ATRN: variants seen among roughly 807,000 people sequenced by gnomAD.
The protein encoded by ATRN is attractin-2.
In ATRN, 54 loss-of-function variants were observed where a neutral mutation model predicts 178.7. The ratio of observed to expected loss-of-function variants is 0.30; its 90% CI spans 0.24 to 0.38. The LOEUF (loss-of-function observed/expected upper bound fraction) is 0.38, where lower values mean the gene tolerates loss of function less well. Among genes scored for constraint, ATRN ranks in the 10% least tolerant of loss-of-function variants. The probability of loss-of-function intolerance (pLI) is 1.00; values close to 1 mark genes in which losing one functional copy is unlikely to be tolerated. For synonymous variants in ATRN, 636 were observed against 663.0 expected (o/e 0.96, Z 0.63); for missense variants, 1,443 against 1,815.1 (o/e 0.79, Z 3.73).
rs116591112 is a variant in ATRN at position 3,585,730 on chromosome 20, C to T, written c.3184+850C>T. ...AGAATCCAATGTCCAGAACACGTAA[C>T]TCTTAAAACTCAACAATAGAAAGAC... On this transcript the variant is annotated intron_variant, in intron 18 of 28. Transcript: ENST00000262919. 6.9e-3 allele frequency among the ~76,000 whole-genome samples: 1,050 copies of T among 152,178 alleles called. 15 individuals are homozygous for T. The highest frequency in any genetic ancestry group is 0.024 in the African/African-American group (991 of 41,522).
chr20:3,491,472 C>A (rs950451847), intron 1 of ATRN, among the ~76,000 whole-genome samples: 1 of 152,192 alleles, frequency 6.6e-6, no homozygotes, highest in Non-Finnish European at 1.5e-5. Flanking sequence ...CCATGCTTGA[C>A]TGACTGCTCA....
intron 11 of ATRN, among the ~76,000 whole-genome samples, chr20:3,570,861 T>C (rs1293962556): frequency 6.6e-6 from 1 of 152,226 alleles, no homozygotes; most frequent in Non-Finnish European, 1.5e-5. Context: ...TATTCATTGC[T>C]CCTGGGTTGG....
chr20:3,490,272 A>T, intron 1 of ATRN: 1 of 1,285,648 alleles, frequency 7.8e-7, no homozygotes, highest in South Asian at 1.2e-5. Flanking sequence ...TCCCAGGAGG[A>T]GAAGGCGGAG....
At chr20:3,646,358 A>AT (rs1407250817) in intron 28 of ATRN, among the ~76,000 whole-genome samples, 4 of 152,160 alleles carry the variant, frequency 2.6e-5, no homozygotes, top group African/African-American at 9.7e-5. Flanking sequence ...AATCTCATTT[A>AT]TATGTTCCCA....
chr20:3,620,460 G>T (rs2086888531), intron 24 of ATRN, among the ~76,000 whole-genome samples: 1 of 152,144 alleles, frequency 6.6e-6, no homozygotes, highest in Admixed American at 6.5e-5. Flanking sequence ...TGGCCAGGCT[G>T]GTTTCGACCT....
At chr20:3,603,992 C>A in intron 23 of ATRN, 113 bp from the exon 24 acceptor site, 1 of 878,474 alleles carries the variant, frequency 1.1e-6, no homozygotes, top group Non-Finnish European at 1.7e-6. Context: ...ATTACTGGAA[C>A]ACAGGAAATG....
intron 1 of ATRN, chr20:3,490,640 A>G (rs1295856782): frequency 6.5e-6 from 6 of 917,270 alleles, no homozygotes; most frequent in Non-Finnish European, 9.2e-6. Context: ...AACTCCACCA[A>G]GTTTTGTGCC....
intron 19 of ATRN, among the ~76,000 whole-genome samples, chr20:3,592,637 C>T (rs2086465252): frequency 1.3e-5 from 2 of 152,092 alleles, no homozygotes; most frequent in South Asian, 4.1e-4. Context: ...TACCTACTCC[C>T]CAGATCCCAA....
chr20:3,591,812 C>T (rs1485305871), intron 19 of ATRN, among the ~76,000 whole-genome samples: 1 of 152,210 alleles, frequency 6.6e-6, no homozygotes, highest in East Asian at 1.9e-4. Context: ...CTCCCCCCAT[C>T]AGGAGGCCTT....
intron 16 of ATRN, among the ~76,000 whole-genome samples, chr20:3,583,418 A>C (rs2086307647): frequency 2.0e-5 from 3 of 152,340 alleles, no homozygotes; most frequent in Admixed American, 2.0e-4. Flanking sequence ...CAAGTGTGTA[A>C]ATACACTTGA....
intron 22 of ATRN, among the ~76,000 whole-genome samples, chr20:3,598,213 G>A (rs1193816612): frequency 6.6e-6 from 1 of 152,188 alleles, no homozygotes; most frequent in African/African-American, 2.4e-5. Context: ...CAGGATCTTA[G>A]ACACAGACTG....
chr20:3,576,475 C>A (rs1205118076), intron 13 of ATRN, among the ~76,000 whole-genome samples: 1 of 151,826 alleles, frequency 6.6e-6, no homozygotes, highest in African/African-American at 2.4e-5. Flanking sequence ...CAGTCTCATA[C>A]AGTTCATAAA....
chr20:3,559,324 C>T (rs2085919944), intron 6 of ATRN, 69 bp from the exon 7 acceptor site: 15 of 1,237,046 alleles, frequency 1.2e-5, no homozygotes, highest in South Asian at 9.8e-5. Flanking sequence ...TGGATTATGT[C>T]ACAAATAAAA....
chr20:3,495,569 C>T (rs2084866998), intron 1 of ATRN, among the ~76,000 whole-genome samples: 1 of 152,012 alleles, frequency 6.6e-6, no homozygotes, highest in East Asian at 1.9e-4. Flanking sequence ...GCGATTTGGT[C>T]ATCACAGTGA....
At chr20:3,563,478 G>A in intron 10 of ATRN, 115 bp downstream of exon 10, 1 of 1,022,062 alleles carries the variant, frequency 9.8e-7, no homozygotes, top group South Asian at 2.1e-5. Context: ...ATTTGAAAGA[G>A]GTCCAAATGG....
chr20:3,549,029 A>G, intron 5 of ATRN, 141 bp from the exon 6 acceptor site: 1 of 718,886 alleles, frequency 1.4e-6, no homozygotes, highest in Non-Finnish European at 2.1e-6. Flanking sequence ...TAAAATAACA[A>G]ATTAAAGGAT....
chr20:3,527,146 C>T (rs6051922), intron 1 of ATRN, among the ~76,000 whole-genome samples: 1 of 152,090 alleles, frequency 6.6e-6, no homozygotes, highest in East Asian at 1.9e-4. Flanking sequence ...AACAGGCAAC[C>T]TACAGAATGG....
intron 21 of ATRN, among the ~76,000 whole-genome samples, chr20:3,597,559 G>A (rs1229363670): frequency 6.6e-6 from 1 of 152,178 alleles, no homozygotes; most frequent in African/African-American, 2.4e-5. Flanking sequence ...GTCTGTTGCA[G>A]TACATCTTTT....
chr20:3,548,600 CAAAAAAAA>C (rs58357636), intron 5 of ATRN, among the ~76,000 whole-genome samples: 1 of 114,372 alleles, frequency 8.7e-6, no homozygotes. Flanking sequence ...GACTCCATCT[CAAAAAAAA>C]AAAAAAAAAA....
Sources: allele counts gnomAD v4.1 joint callset (sites outside exome capture counted in the v4.1 genomes callset), GRCh38; gene constraint gnomAD v4.1.1; transcripts MANE v1.5; gene names NCBI Gene and HGNC (gene_info 2026-07-23, HGNC 2026-07-21).